The following HDAC9 variants were observed in gnomAD, a reference collection of about 807,000 sequenced individuals.
HDAC9 encodes histone deacetylase 9.
Under a neutral mutation model 139.4 loss-of-function variants are expected in HDAC9, and 41 were observed. The observed-to-expected ratio is 0.29, with a 90% CI of 0.23 to 0.38. HDAC9 has a LOEUF of 0.38. Among genes scored for constraint, HDAC9 ranks in the 10% least tolerant of loss-of-function variants. HDAC9 has a pLI of 1.00. For synonymous variants in HDAC9, 517 were observed against 476.2 expected (o/e 1.09, Z -1.12); for missense variants, 1,147 against 1,297.0 (o/e 0.88, Z 1.78).
At chr7:18,736,427 G>A (rs1786904778) in intron 13 of HDAC9, among the ~76,000 whole-genome samples, 2 of 152,162 alleles carry the variant, frequency 1.3e-5, no homozygotes, top group Non-Finnish European at 2.9e-5. Context: ...CTGATTTATT[G>A]AGAGTTTTTA....
chr7:18,785,611 T>C (rs2129173777), intron 16 of HDAC9, among the ~76,000 whole-genome samples: 1 of 152,300 alleles, frequency 6.6e-6, no homozygotes, highest in Admixed American at 6.5e-5. Context: ...AGGGTTTCAA[T>C]ACCGTGAAAG....
At chr7:18,231,213 T>A (rs1204365923) in intron 2 of HDAC9, among the ~76,000 whole-genome samples, 1 of 152,264 alleles carries the variant, frequency 6.6e-6, no homozygotes, top group Non-Finnish European at 1.5e-5. Context: ...CCTTACAGTG[T>A]GCATTTGTGC....
intron 21 of HDAC9, among the ~76,000 whole-genome samples, chr7:18,855,020 G>A (rs929899850): frequency 3.3e-5 from 5 of 152,098 alleles, no homozygotes; most frequent in Admixed American, 6.6e-5. Flanking sequence ...TGGGAAAATG[G>A]ATGCAATTGG....
chr7:18,667,127 T>C (rs1795074945), intron 12 of HDAC9: 2 of 985,090 alleles, frequency 2.0e-6, no homozygotes, highest in South Asian at 9.4e-5. Context: ...AGATGCAAAT[T>C]GCAGCACTAC....
chr7:18,744,012 GTTTTTTT>G, intron 13 of HDAC9, among the ~76,000 whole-genome samples: 1 of 110,442 alleles, frequency 9.1e-6, no homozygotes, highest in East Asian at 3.6e-4. Flanking sequence ...TTTACTACTA[GTTTTTTT>G]TTTTTTTTTT....
At chr7:18,917,690 AT>A (rs1385204357) in intron 22 of HDAC9, among the ~76,000 whole-genome samples, 1 of 152,028 alleles carries the variant, frequency 6.6e-6, no homozygotes, top group South Asian at 2.1e-4. Context: ...AAATAAGTAC[AT>A]TTTTTTCATG....
chr7:18,830,083 A>G (rs747709503), intron 19 of HDAC9, among the ~76,000 whole-genome samples: 7 of 152,206 alleles, frequency 4.6e-5, no homozygotes, highest in Non-Finnish European at 8.8e-5. Flanking sequence ...TAGAGGCACT[A>G]GATTAGTCTT....
chr7:18,888,044 C>G (rs988139647), intron 22 of HDAC9, among the ~76,000 whole-genome samples: 1 of 152,186 alleles, frequency 6.6e-6, no homozygotes. Context: ...TTTATCTTAT[C>G]CCAAGTCACC....
intron 25 of HDAC9, among the ~76,000 whole-genome samples, chr7:18,981,229 A>G (rs1026258015): frequency 3.3e-5 from 5 of 152,274 alleles, no homozygotes; most frequent in African/African-American, 1.2e-4. Flanking sequence ...GGTTAAATCA[A>G]TCAGGACTAT....
At chr7:18,210,942 G>C (rs2128168050) in intron 2 of HDAC9, among the ~76,000 whole-genome samples, 1 of 152,172 alleles carries the variant, frequency 6.6e-6, no homozygotes, top group Non-Finnish European at 1.5e-5. Flanking sequence ...TGATGTCAAG[G>C]GTAGGACATT....
intron 22 of HDAC9, among the ~76,000 whole-genome samples, chr7:18,899,797 A>C (rs1238399371): frequency 6.6e-6 from 1 of 152,074 alleles, no homozygotes; most frequent in Non-Finnish European, 1.5e-5. Context: ...TATCCACACT[A>C]ATCACATCTA....
Position 18,996,188 on chromosome 7 carries a change from G to C in HDAC9, c.*126G>C. ...AGATTCAATGGAACATAAACACTGG[G>C]CACAAAATTCTGAACAGCAGCTTCA... On this transcript the variant is annotated 3_prime_UTR_variant, in exon 26 of 26. Coordinates refer to ENST00000686413, the MANE Select transcript of HDAC9 (RefSeq NM_178425.4). 1.6e-6 allele frequency: 1 copy of C among 625,862 alleles called. No individual in the cohort carries two copies. Among genetic ancestry groups the C allele is most frequent in the South Asian group, 2.0e-5 (1 of 49,198 alleles). 38.8% of individuals were successfully genotyped at this position (625,862 alleles called of 1,614,324 possible).
intron 1 of HDAC9, among the ~76,000 whole-genome samples, chr7:18,143,503 A>T (rs1786062280): frequency 6.6e-6 from 1 of 152,210 alleles, no homozygotes; most frequent in East Asian, 1.9e-4. Context: ...TCAAGTAAAA[A>T]TTAAAAGCAA....
chr7:18,975,118 G>C lies in HDAC9; in HGVS notation c.3023-688G>C, dbSNP rs188903868. Among the ~76,000 whole-genome samples the C allele has an allele frequency of 2.2e-4, 33 of 152,314 alleles. No homozygotes were observed. The East Asian group carries it at 6.2e-3, about 28-fold the overall frequency. ...TCTTTCATATTTATCCCATTGGCAT[G>C]TTCTCATGAAATGACCTTCTATTTT... On this transcript the variant is annotated intron_variant, in intron 24 of 25. Coordinates refer to ENST00000686413, the MANE Select transcript of HDAC9 (RefSeq NM_178425.4).
At chr7:18,434,597 T>A (rs77726746) in intron 1 of HDAC9, among the ~76,000 whole-genome samples, 7,408 of 152,058 alleles carry the variant, frequency 0.049, 300 homozygotes, top group African/African-American at 0.11. Flanking sequence ...AACAGACACT[T>A]CTCAAAAGAA....
chr7:18,206,473 G>A (rs893018489), intron 2 of HDAC9, among the ~76,000 whole-genome samples: 2 of 152,098 alleles, frequency 1.3e-5, no homozygotes, highest in Non-Finnish European at 2.9e-5. Flanking sequence ...TCCCAATGGA[G>A]GCTTGTCTTT....
chr7:18,624,898 A>T (rs1323745269), intron 6 of HDAC9, among the ~76,000 whole-genome samples: 1 of 151,912 alleles, frequency 6.6e-6, no homozygotes, highest in African/African-American at 2.4e-5. Flanking sequence ...ATGACCCAAA[A>T]CCTGAAATAC....
chr7:18,759,285 G>A (rs1419431455), intron 14 of HDAC9, among the ~76,000 whole-genome samples: 1 of 152,130 alleles, frequency 6.6e-6, no homozygotes, highest in Non-Finnish European at 1.5e-5. Context: ...CTGCACAGCA[G>A]GAGGTGAGTG....
At chr7:18,140,579 T>G (rs1279491990) in intron 1 of HDAC9, among the ~76,000 whole-genome samples, 1 of 152,200 alleles carries the variant, frequency 6.6e-6, no homozygotes, top group Non-Finnish European at 1.5e-5. Context: ...GGCTATTGAT[T>G]AGTGAATATT....
Sources: allele counts gnomAD v4.1 joint callset (sites outside exome capture counted in the v4.1 genomes callset), GRCh38; gene constraint gnomAD v4.1.1; transcripts MANE v1.5; gene names NCBI Gene and HGNC (gene_info 2026-07-23, HGNC 2026-07-21).